The following GPHN variants were observed in gnomAD, a reference collection of about 807,000 sequenced individuals.
GPHN encodes gephyrin.
GPHN carries 17 observed loss-of-function variants against 95.5 expected under a neutral mutation model. The ratio of observed to expected loss-of-function variants is 0.18; its 90% CI spans 0.12 to 0.27. The LOEUF (loss-of-function observed/expected upper bound fraction) is 0.27. GPHN is among the 10% of genes least tolerant of loss of function. The pLI, the probability that GPHN is intolerant of heterozygous loss-of-function variation, is 1.00. For synonymous variants in GPHN, 320 were observed against 322.5 expected (o/e 0.99, Z 0.08); for missense variants, 660 against 978.1 (o/e 0.67, Z 4.34).
intron 4 of GPHN, among the ~76,000 whole-genome samples, chr14:66,873,244 T>G (rs756327064): frequency 1.3e-5 from 2 of 152,154 alleles, no homozygotes; most frequent in African/African-American, 2.4e-5. Flanking sequence ...GATACTATGC[T>G]TTTCCCACAG....
At chr14:67,575,827 C>T in the GPHN span, 1 of 1,613,174 alleles carries the variant, frequency 6.2e-7, no homozygotes, top group South Asian at 1.1e-5. Context: ...CCACAGCGAC[C>T]CCTGGGCTGC....
chr14:67,501,706 G>A, the GPHN span, among the ~76,000 whole-genome samples: 1 of 152,192 alleles, frequency 6.6e-6, no homozygotes, highest in Non-Finnish European at 1.5e-5. Context: ...CATCTCTGTT[G>A]AGGAAGGTCG....
At chr14:67,379,689 C>A in the GPHN span, among the ~76,000 whole-genome samples, 2 of 116,614 alleles carry the variant, frequency 1.7e-5, no homozygotes, top group Non-Finnish European at 3.1e-5. Context: ...GAGTCTCGCT[C>A]TGTCGCCCAG....
chr14:66,651,558 A>G (rs926237001), intron 1 of GPHN, among the ~76,000 whole-genome samples: 2 of 152,154 alleles, frequency 1.3e-5, no homozygotes, highest in Admixed American at 6.5e-5. Context: ...AGTCAGGTGA[A>G]TTGCCTTTGT....
chr14:66,732,718 C>T (rs1437445807), intron 2 of GPHN, among the ~76,000 whole-genome samples: 1 of 152,072 alleles, frequency 6.6e-6, no homozygotes, highest in African/African-American at 2.4e-5. Flanking sequence ...GGATTCACCA[C>T]ATTGGCCAGG....
chr14:67,213,558 T>C, the GPHN span, among the ~76,000 whole-genome samples: 11 of 152,006 alleles, frequency 7.2e-5, no homozygotes, highest in African/African-American at 2.4e-4. Flanking sequence ...TTAATCCAGT[T>C]TATCATTGTT....
At chr14:67,568,220 T>A in the GPHN span, among the ~76,000 whole-genome samples, 1 of 151,956 alleles carries the variant, frequency 6.6e-6, no homozygotes. Flanking sequence ...GTAGACTGGA[T>A]AAAGAAAATG....
At chr14:67,674,376 G>A in the GPHN span, 4 of 1,591,380 alleles carry the variant, frequency 2.5e-6, no homozygotes, top group Admixed American at 1.8e-5. Flanking sequence ...CCGCCTCACC[G>A]GTCCCCGCCG....
chr14:67,277,548 C>G, the GPHN span, among the ~76,000 whole-genome samples: 99 of 151,750 alleles, frequency 6.5e-4, no homozygotes, highest in African/African-American at 2.2e-3. Context: ...AAAGTGATGC[C>G]CAACTCAAGG....
rs1814000830 is a variant in GPHN at position 66,884,910 on chromosome 14, C to A, written c.389+4877C>A. ...TTCCATTTTAGTATGAAGAGATTTACCATTGTAATCTTCAGTGACTCATCT... is the reference window on the plus strand; with the variant it reads ...TTCCATTTTAGTATGAAGAGATTTAACATTGTAATCTTCAGTGACTCATCT... On this transcript the variant is annotated intron_variant, in intron 5 of 22. Transcript: ENST00000478722. Among the ~76,000 whole-genome samples the A allele has an allele frequency of 3.3e-5, 5 of 151,092 alleles. No individual in the cohort carries two copies. The South Asian group carries it at 1.0e-3, about 31-fold the overall frequency.
Position 67,165,223 on chromosome 14 carries a change from C to T in GPHN, c.1972C>T (p.Pro658Ser). 1.3e-6 allele frequency: 2 copies of T among 1,595,088 alleles called. No individual in the cohort carries two copies. The highest frequency in any genetic ancestry group is 1.7e-6 in the Non-Finnish European group (2 of 1,162,710). ...DGVRKIIFAL[P>S]GNPVSAVVTC... ...TGTAAGAAAAATAATCTTTGCACTA[C>T]CTGGTAAGAATAACAAATTGTTTCC... Residue 658 changes from proline to serine, a missense_variant, in exon 20 of 23, where the codon CCT becomes TCT. By Grantham distance (74) the Pro-to-Ser change is moderately conservative. This residue lies in a region of GPHN where 257 missense variants were observed against 376.2 expected (regional missense o/e 0.68). Coordinates refer to ENST00000478722, the MANE Select transcript of GPHN (RefSeq NM_020806.5).
chr14:67,438,096 C>A, the GPHN span, among the ~76,000 whole-genome samples: 1 of 152,150 alleles, frequency 6.6e-6, no homozygotes, highest in South Asian at 2.1e-4. Context: ...CACCCCCCTC[C>A]CAATCATCTC....
chr14:67,056,946 G>A lies in GPHN; in HGVS notation c.1007-1703G>A, dbSNP rs530037572. ...TGGGAGACCCAGCACACCCTCCGCA[G>A]CTGCTGGCCTGGGGGCTAAGCCCCT... is the stretch of plus-strand genomic sequence containing the variant. On this transcript the variant is annotated intron_variant, in intron 10 of 22. Coordinates refer to ENST00000478722, the MANE Select transcript of GPHN (RefSeq NM_020806.5). Among the ~76,000 whole-genome samples, 3 of 152,350 alleles carry A rather than the reference G, an allele frequency of 2.0e-5. No individual in the cohort carries two copies. The South Asian group carries it at 6.2e-4, about 32-fold the overall frequency.
chr14:67,649,309 C>G, the GPHN span: 1 of 151,964 alleles, frequency 6.6e-6, no homozygotes, highest in Non-Finnish European at 1.5e-5. Flanking sequence ...ATTACTTGAC[C>G]CCAGGGGTTC....
chr14:67,331,305 A>C, the GPHN span, among the ~76,000 whole-genome samples: 1 of 152,122 alleles, frequency 6.6e-6, no homozygotes, highest in South Asian at 2.1e-4. Context: ...TTGGCCTCCC[A>C]AAGTGCTGAG....
At chr14:67,634,818 A>G in the GPHN span, among the ~76,000 whole-genome samples, 1 of 152,234 alleles carries the variant, frequency 6.6e-6, no homozygotes, top group East Asian at 1.9e-4. Flanking sequence ...TAAATAATTT[A>G]ACCTTTGAAT....
At chr14:66,676,361 TA>T (rs2066587775) in intron 1 of GPHN, among the ~76,000 whole-genome samples, 1 of 152,164 alleles carries the variant, frequency 6.6e-6, no homozygotes, top group Admixed American at 6.5e-5. Flanking sequence ...ATACAAGTTG[TA>T]AAAGTATACA....
At chr14:67,651,031 C>T in the GPHN span, 4 of 1,126,150 alleles carry the variant, frequency 3.6e-6, no homozygotes, top group Admixed American at 2.1e-5. Flanking sequence ...TTAATGAGAA[C>T]ATTTACACAT....
At chr14:66,734,356 A>C (rs1013674384) in intron 2 of GPHN, among the ~76,000 whole-genome samples, 1 of 151,964 alleles carries the variant, frequency 6.6e-6, no homozygotes, top group Non-Finnish European at 1.5e-5. Context: ...CTGCCTTTTC[A>C]TTGCAAGAAT....
Sources: gnomAD v4.1 joint callset for allele counts (sites outside exome capture counted in the v4.1 genomes callset) on GRCh38, gnomAD v4.1.1 for gene constraint, gnomAD v4.1.1 regional missense constraint, MANE v1.5 for transcripts, NCBI Gene and HGNC (gene_info 2026-07-23, HGNC 2026-07-21) for gene names.